The following UPP2 variants were observed in gnomAD, a reference collection of about 807,000 sequenced individuals.
UPP2 encodes the protein UPase 2.
A neutral mutation model predicts 26.7 loss-of-function variants in UPP2; 23 were observed. The ratio of observed to expected loss-of-function variants is 0.86; its 90% CI spans 0.62 to 1.22. The LOEUF (loss-of-function observed/expected upper bound fraction) is 1.22. Ranked by LOEUF, UPP2 falls within the 50% of genes most tolerant of loss-of-function variation. UPP2 has a pLI of 0.00. For missense variants in UPP2, 387 were observed against 396.7 expected, an observed-to-expected ratio of 0.98 and a Z score of 0.21; for synonymous variants, 127 against 141.3, an observed-to-expected ratio of 0.90 and a Z score of 0.72.
chr2:158,083,264 T>A (rs2105196253), intron 3 of UPP2, among the ~76,000 whole-genome samples: 1 of 152,330 alleles, frequency 6.6e-6, no homozygotes, highest in East Asian at 1.9e-4. Flanking sequence ...CACGTATGTT[T>A]ATTGCGGCAC....
chr2:158,016,252 T>G (rs1200862799), intron 3 of UPP2, among the ~76,000 whole-genome samples: 1 of 152,126 alleles, frequency 6.6e-6, no homozygotes, highest in East Asian at 1.9e-4. Flanking sequence ...TATTGAATAC[T>G]TTATAGGGAT....
chr2:158,124,282 G>A (rs1345133134), intron 6 of UPP2, among the ~76,000 whole-genome samples: 2 of 152,192 alleles, frequency 1.3e-5, no homozygotes, highest in Non-Finnish European at 2.9e-5. Context: ...AAGGATGGGA[G>A]AAGAATGTGC....
intron 6 of UPP2, among the ~76,000 whole-genome samples, chr2:158,130,450 CA>C (rs558287372): frequency 3.0e-5 from 4 of 131,822 alleles, no homozygotes; most frequent in Admixed American, 7.5e-5. Context: ...GAATCCGTCT[CA>C]AAAAAAAAAA....
chr2:158,023,649 G>C (rs1248897037), intron 3 of UPP2, among the ~76,000 whole-genome samples: 1 of 152,086 alleles, frequency 6.6e-6, no homozygotes, highest in Non-Finnish European at 1.5e-5. Flanking sequence ...GGGTGGGGTG[G>C]ACACGGTGGG....
chr2:158,040,537 T>C (rs557075713), intron 3 of UPP2, among the ~76,000 whole-genome samples: 1 of 152,364 alleles, frequency 6.6e-6, no homozygotes, highest in East Asian at 1.9e-4. Flanking sequence ...ATTTGCTCAG[T>C]GTTTAATTGC....
At chr2:158,009,831 G>A (rs1683548195) in intron 2 of UPP2, among the ~76,000 whole-genome samples, 1 of 152,210 alleles carries the variant, frequency 6.6e-6, no homozygotes, top group African/African-American at 2.4e-5. Context: ...CCCAGCAAAT[G>A]CTGTAGTCTC....
At chr2:158,096,346 C>T (rs1271074426) in intron 3 of UPP2, among the ~76,000 whole-genome samples, 1 of 152,184 alleles carries the variant, frequency 6.6e-6, no homozygotes, top group Admixed American at 6.5e-5. Flanking sequence ...CGCCTGTAAT[C>T]CCAGCACTTT....
intron 3 of UPP2, among the ~76,000 whole-genome samples, chr2:158,047,110 C>G (rs887286051): frequency 1.3e-5 from 2 of 152,178 alleles, no homozygotes; most frequent in African/African-American, 4.8e-5. Context: ...TAGTCGAAGT[C>G]AGCTTATAAT....
chr2:158,092,216 T>C (rs1162930004), intron 3 of UPP2, among the ~76,000 whole-genome samples: 1 of 152,126 alleles, frequency 6.6e-6, no homozygotes, highest in Non-Finnish European at 1.5e-5. Flanking sequence ...TTTCCTAAAA[T>C]TGATAACAGA....
chr2:158,134,339 C>T (rs1683886784), intron 6 of UPP2, among the ~76,000 whole-genome samples: 1 of 152,200 alleles, frequency 6.6e-6, no homozygotes, highest in Non-Finnish European at 1.5e-5. Context: ...AGAAAAATGT[C>T]ACCTTGGGAA....
intron 3 of UPP2, among the ~76,000 whole-genome samples, chr2:158,083,388 A>G (rs1682758956): frequency 6.6e-6 from 1 of 152,170 alleles, no homozygotes; most frequent in Non-Finnish European, 1.5e-5. Flanking sequence ...AAAAAAGATG[A>G]TTTCATGTCC....
At chr2:158,025,565 AG>A (rs1239287407) in intron 3 of UPP2, among the ~76,000 whole-genome samples, 1 of 152,224 alleles carries the variant, frequency 6.6e-6, no homozygotes, top group African/African-American at 2.4e-5. Flanking sequence ...GCCACTGGCA[AG>A]GTCACTGCCA....
At chr2:158,043,609 A>G (rs569017611) in intron 3 of UPP2, among the ~76,000 whole-genome samples, 1 of 152,350 alleles carries the variant, frequency 6.6e-6, no homozygotes, top group Non-Finnish European at 1.5e-5. Flanking sequence ...ATGGGAGATA[A>G]TGGTGATTCA....
At chr2:158,019,943 AAAAAT>A (rs1195776853) in intron 3 of UPP2, among the ~76,000 whole-genome samples, 1 of 152,214 alleles carries the variant, frequency 6.6e-6, no homozygotes, top group Non-Finnish European at 1.5e-5. Flanking sequence ...TATAATTTGT[AAAAAT>A]AAAATAAAAC....
chr2:158,067,809 T>G (rs574357848), intron 3 of UPP2, among the ~76,000 whole-genome samples: 16 of 152,310 alleles, frequency 1.1e-4, no homozygotes, highest in African/African-American at 3.6e-4. Flanking sequence ...TGAACTAAAA[T>G]GTTTTCAATT....
chr2:158,134,428 T>C (rs1683888978), intron 6 of UPP2, among the ~76,000 whole-genome samples: 3 of 152,234 alleles, frequency 2.0e-5, no homozygotes, highest in Admixed American at 6.5e-5. Flanking sequence ...AAGCAGGAGA[T>C]GGCATATCTC....
intron 3 of UPP2, among the ~76,000 whole-genome samples, chr2:158,062,710 T>C (rs139276703): frequency 1.3e-5 from 2 of 152,304 alleles, no homozygotes; most frequent in East Asian, 3.9e-4. Flanking sequence ...ACTTCCCTTA[T>C]AGGATGCTGT....
intron 2 of UPP2, among the ~76,000 whole-genome samples, chr2:157,999,247 T>C (rs1056686249): frequency 6.6e-6 from 1 of 152,128 alleles, no homozygotes; most frequent in Non-Finnish European, 1.5e-5. Context: ...GGTGTGATCT[T>C]AGCTCACCGC....
At chr2:158,113,909 G>A (rs377032723) in intron 2 of UPP2, among the ~76,000 whole-genome samples, 1 of 152,148 alleles carries the variant, frequency 6.6e-6, no homozygotes, top group Non-Finnish European at 1.5e-5. Context: ...ATAGAAAATT[G>A]CTACATGATA....
Sources: gnomAD v4.1 joint callset for allele counts (sites outside exome capture counted in the v4.1 genomes callset) on GRCh38, gnomAD v4.1.1 for gene constraint, MANE v1.5 for transcripts, NCBI Gene and HGNC (gene_info 2026-07-23, HGNC 2026-07-21) for gene names.